Variants in ZNF785 observed in about 807,000 individuals in gnomAD.
ZNF785 encodes the protein zinc finger protein 785.
Under a neutral mutation model 11.3 loss-of-function variants are expected in ZNF785, and 15 were observed. The ratio of observed to expected loss-of-function variants is 1.32; its 90% CI spans 0.89 to 2.04. The LOEUF (loss-of-function observed/expected upper bound fraction) is 2.04, where lower values mean the gene tolerates loss of function less well. ZNF785 is among the 30% of genes most tolerant of loss of function. ZNF785 has a pLI of 0.00. For missense variants in ZNF785, 572 were observed against 560.9 expected (o/e 1.02, Z -0.20); for synonymous variants, 221 against 231.0 (o/e 0.96, Z 0.39).
In ZNF785 at chr16:30,582,484, C is replaced by T; in HGVS notation, c.*76G>A. The T allele has an allele frequency of 6.4e-7, 1 of 1,566,410 alleles. No individual in the cohort carries two copies. The highest frequency in any genetic ancestry group is 8.6e-7 in the Non-Finnish European group (1 of 1,156,740). On this transcript the variant is annotated 3_prime_UTR_variant, in exon 3 of 3. Coordinates refer to ENST00000395216, the MANE Select transcript of ZNF785 (RefSeq NM_152458.7). Reference sequence around the variant, plus strand: ...TTTGTTTTCCTCAAACGCCCACTTCCTTTCCTTATCCCCCAAATACACAAA... The same window carrying T: ...TTTGTTTTCCTCAAACGCCCACTTCTTTTCCTTATCCCCCAAATACACAAA...
In ZNF785 at chr16:30,582,504, CA is replaced by C. The variant is rs751421284; in HGVS notation, c.*55del. The C allele has an allele frequency of 1.9e-6, 3 of 1,596,924 alleles. No homozygotes were observed. The highest frequency in any genetic ancestry group is 4.5e-5 in the East Asian group (2 of 44,688). ...ACTTCCTTTCCTTATCCCCCAAATA[CA>C]CAAACCTTGCCTCTTCCTCTCCAGG... On this transcript the variant is annotated 3_prime_UTR_variant, in exon 3 of 3. Coordinates refer to ENST00000395216, the MANE Select transcript of ZNF785 (RefSeq NM_152458.7).
intron 2 of ZNF785, 195 bp from the exon 3 acceptor site, chr16:30,583,638 A>G: frequency 1.7e-6 from 1 of 600,946 alleles, no homozygotes; most frequent in South Asian, 2.6e-5. Context: ...AGCCTGGAGT[A>G]AAAGCAAATG....
At position 30,583,358 on chromosome 16, in the gene ZNF785, C is replaced by T. The variant is rs2051848371; in HGVS notation, c.420G>A (p.Glu140=). The T allele has an allele frequency of 6.2e-7, 1 of 1,612,728 alleles. No homozygotes were observed. The highest frequency in any genetic ancestry group is 1.7e-5 in the Admixed American group (1 of 59,738). The change falls in exon 3 of 3, where the codon GAG becomes GAA. Residue 140 remains glutamate (E), a synonymous_variant. Transcript: ENST00000395216. ...CTGGGCAGGCGACGCTGGGCCACCA[C>T]TCCTTGACAGCCACTTCATGCGCCA... ...KEVAHEVAVK[E]WWPSVACPEF...
At position 30,585,523 on chromosome 16, in the gene ZNF785, C is replaced by G; in HGVS notation, c.89G>C (p.Ser30Thr). 3 of 1,588,300 alleles carry G rather than the reference C, an allele frequency of 1.9e-6. No homozygotes were observed. The highest frequency in any genetic ancestry group is 1.8e-5 in the Admixed American group (1 of 55,930). Residue 30 changes from serine to threonine, a missense_variant, in exon 1 of 3, where the codon AGC becomes ACC. By Grantham distance (58) the Ser-to-Thr change is moderately conservative. Coordinates refer to ENST00000395216, the MANE Select transcript of ZNF785 (RefSeq NM_152458.7). The surrounding 1 kb of genome is among the most constrained non-coding windows in gnomAD (Gnocchi z 4.0). Reference sequence around the variant, plus strand: ...GAAGTACACGGCCACGTCCGCGAAGCTCACGGCGCCCGGCCTGCTTTCCCT... The same window carrying G: ...GAAGTACACGGCCACGTCCGCGAAGGTCACGGCGCCCGGCCTGCTTTCCCT... ...RTRESRPGAV[S>T]FADVAVYFSP...
downstream of ZNF785, among the ~76,000 whole-genome samples, chr16:30,580,477 C>T (rs1311365251): frequency 6.6e-6 from 1 of 151,958 alleles, no homozygotes; most frequent in East Asian, 1.9e-4. Context: ...GCCTCAGCCT[C>T]CCAAGTAGCT....
chr16:30,585,517 G>T lies in ZNF785; in HGVS notation c.95C>A (p.Ala32Glu). Reference sequence around the variant, plus strand: ...GGGAGAGAAGTACACGGCCACGTCCGCGAAGCTCACGGCGCCCGGCCTGCT... The same window carrying T: ...GGGAGAGAAGTACACGGCCACGTCCTCGAAGCTCACGGCGCCCGGCCTGCT... ...RESRPGAVSF[A>E]DVAVYFSPEE... Residue 32 changes from alanine to glutamate, a missense_variant, in exon 1 of 3, where the codon GCG (alanine) becomes GAG (glutamate). By Grantham distance (107) the Ala-to-Glu change is moderately radical. Coordinates refer to ENST00000395216, the MANE Select transcript of ZNF785 (RefSeq NM_152458.7). This position sits in a 1 kb window ranked among gnomAD's most constrained non-coding sequence, Gnocchi z 4.0. The T allele has an allele frequency of 6.3e-7, 1 of 1,592,180 alleles. No homozygotes were observed.
Position 30,582,962 on chromosome 16 carries a change from G to A in ZNF785, c.816C>T (p.Ala272=), listed in dbSNP as rs2051837591. 6.2e-7 allele frequency: 1 copy of A among 1,614,198 alleles called. No individual in the cohort carries two copies. Among genetic ancestry groups the A allele is most frequent in the Non-Finnish European group, 8.5e-7 (1 of 1,180,028 alleles). The change falls in exon 3 of 3, where the codon GCC becomes GCT. Residue 272 remains alanine, a synonymous_variant. Coordinates refer to ENST00000395216, the MANE Select transcript of ZNF785 (RefSeq NM_152458.7). ...KSRFTYPYLL[A]IHQRKHTGEK... is the part of the protein sequence containing the mutation. ...CGCCCGTGTGCTTGCGCTGGTGGAT[G>A]GCCAGCAGGTAGGGGTAAGTGAAGC...
downstream of ZNF785, among the ~76,000 whole-genome samples, chr16:30,580,345 G>A (rs554956191): frequency 5.1e-4 from 72 of 141,612 alleles, 1 homozygote; most frequent in East Asian, 0.013. Context: ...ACGCCACCAG[G>A]CCTGGCTAAT....
chr16:30,579,556 T>G, downstream of ZNF785: 1 of 284,658 alleles, frequency 3.5e-6, no homozygotes, highest in Non-Finnish European at 7.1e-6. Flanking sequence ...CCTGGCTAAT[T>G]TTTTGGTAGA....
Position 30,585,184 on chromosome 16 carries a change from T to G in ZNF785, c.272A>C (p.Glu91Ala). 6.2e-7 allele frequency: 1 copy of G among 1,614,124 alleles called. No homozygotes were observed. The highest frequency in any genetic ancestry group is 1.1e-5 in the South Asian group (1 of 91,074). The change falls in exon 2 of 3, where the codon GAG becomes GCG. Residue 91 changes from glutamate to alanine, a missense_variant. Coordinates refer to ENST00000395216, the MANE Select transcript of ZNF785 (RefSeq NM_152458.7). The surrounding 1 kb of genome is among the most constrained non-coding windows in gnomAD (Gnocchi z 4.0). ...VEGEVEAWSP[E>A]AQDPDGESSA... The stretch of plus-strand genomic sequence containing the variant: ...GCTCTCACCGTCGGGATCCTGGGCC[T>G]CCGGGCTCCACGCCTCCACTTCTCC...
chr16:30,583,089 C>T lies in ZNF785; in HGVS notation c.689G>A (p.Cys230Tyr), dbSNP rs1406397149. Reference protein sequence around the residue: ...FIHTGEKPYPCPDCGRRFRQR... With the variant: ...FIHTGEKPYPYPDCGRRFRQR... ...GCGGAAGCGGCGCCCGCAGTCGGGG[C>T]AGGGGTAGGGCTTCTCGCCGGTGTG... Residue 230 changes from cysteine (C) to tyrosine (Y), a missense_variant, in exon 3 of 3, where the codon TGC becomes TAC. By Grantham distance (194) the Cys-to-Tyr change is radical (BLOSUM62 -2). Transcript: ENST00000395216. 5.0e-6 allele frequency: 8 copies of T among 1,613,994 alleles called. No individual in the cohort carries two copies. Among genetic ancestry groups the T allele is most frequent in the Non-Finnish European group, 6.8e-6 (8 of 1,180,010 alleles).
chr16:30,581,346 G>C lies in ZNF785; in HGVS notation c.*1214C>G, dbSNP rs745727317. On this transcript the variant is annotated 3_prime_UTR_variant, in exon 3 of 3. Coordinates refer to ENST00000395216, the MANE Select transcript of ZNF785 (RefSeq NM_152458.7). ...GTGGTGGCGGGTGCTTGTAATTCCAGCTACTCGGGAGACTGAAGCAGGAGA... is the reference window on the plus strand; with the variant it reads ...GTGGTGGCGGGTGCTTGTAATTCCACCTACTCGGGAGACTGAAGCAGGAGA... 1 of 151,558 alleles carries C rather than the reference G, an allele frequency of 6.6e-6. No individual in the cohort carries two copies. Among genetic ancestry groups the C allele is most frequent in the Non-Finnish European group, 1.5e-5 (1 of 67,974 alleles). 9.4% of individuals were successfully genotyped at this position (151,558 alleles called of 1,614,324 possible).
Position 30,585,140 on chromosome 16 carries a change from C to G in ZNF785, c.316G>C (p.Gly106Arg). 6.2e-7 allele frequency: 1 copy of G among 1,612,982 alleles called. No homozygotes were observed. Among genetic ancestry groups the G allele is most frequent in the Non-Finnish European group, 8.5e-7 (1 of 1,179,258 alleles). ...DGESSAAFSR[G>R]QGQEAGSRDG... is the part of the protein sequence containing the mutation. ...GAAGTACCTGCTTCCTGTCCTTGGC[C>G]CCTGCTGAAAGCTGCAGAGCTCTCA... Residue 106 changes from glycine to arginine, a missense_variant, in exon 2 of 3, where the codon GGC (glycine) becomes CGC (arginine). Transcript: ENST00000395216. The surrounding 1 kb of genome is among the most constrained non-coding windows in gnomAD (Gnocchi z 4.0).
rs1381371492 is a variant in ZNF785, at chr16:30,581,775, T to G, written c.*785A>C. The G allele has an allele frequency of 6.6e-6, 1 of 152,114 alleles. No individual in the cohort carries two copies. The highest frequency in any genetic ancestry group is 1.5e-5 in the Non-Finnish European group (1 of 68,038). The allele number at this position is 152,114 out of a possible 1,614,324, so 9.4% of individuals were successfully genotyped here. A position where few individuals can be genotyped will look rare whatever the true frequency, so the allele number is the denominator to read the frequency against. ...CTCCAGGTGTCTCCTTGCCAGATGT[T>G]TCACCTGCATTGGTAAAAGGCAGAA... is the stretch of plus-strand genomic sequence containing the variant. On this transcript the variant is annotated 3_prime_UTR_variant, in exon 3 of 3. Transcript: ENST00000395216.
chr16:30,580,051 A>C (rs1459044448), downstream of ZNF785, among the ~76,000 whole-genome samples: 1 of 142,606 alleles, frequency 7.0e-6, no homozygotes, highest in South Asian at 2.2e-4. Context: ...CCATGCCCGG[A>C]TAATTTTTTG....
chr16:30,584,804 T>C (rs568169399), intron 2 of ZNF785, among the ~76,000 whole-genome samples: 1 of 152,346 alleles, frequency 6.6e-6, no homozygotes, highest in African/African-American at 2.4e-5. Context: ...TTCACATCAT[T>C]AATATCCAAG....
chr16:30,580,415 C>T (rs1392607379), downstream of ZNF785, among the ~76,000 whole-genome samples: 9 of 146,722 alleles, frequency 6.1e-5, 1 homozygote, highest in African/African-American at 7.5e-5. Flanking sequence ...AGTGCAGTGG[C>T]GCAGTCTCGG....
At chr16:30,578,831 C>CT (rs34099225), downstream of ZNF785, 110,849 of 144,724 alleles carry the variant, frequency 0.77, 42,609 homozygotes, top group East Asian at 0.88. Flanking sequence ...GCGCCTGGCT[C>CT]TTTTTTTTTT....
Position 30,582,261 on chromosome 16 carries a change from GAGCTAC to G in ZNF785, c.*293_*298del. ...GGAGAGATACAGGCCAAAAAGCAGAGAGCTACAAGGGAGAGAACAATCATGAAGGAA... is the reference window on the plus strand; with the variant it reads ...GGAGAGATACAGGCCAAAAAGCAGAGAAGGGAGAGAACAATCATGAAGGAA... On this transcript the variant is annotated 3_prime_UTR_variant, in exon 3 of 3. Coordinates refer to ENST00000395216, the MANE Select transcript of ZNF785 (RefSeq NM_152458.7). 2.5e-6 allele frequency: 1 copy of G among 407,294 alleles called. No homozygotes were observed. The allele number at this position is 407,294 out of a possible 1,614,324, so 25.2% of individuals were successfully genotyped here. A position where few individuals can be genotyped will look rare whatever the true frequency, so the allele number is the denominator to read the frequency against.
Sources: allele counts gnomAD v4.1 joint callset (sites outside exome capture counted in the v4.1 genomes callset), GRCh38; gene constraint gnomAD v4.1.1; non-coding constraint Gnocchi (gnomAD v3.1); transcripts MANE v1.5; gene names NCBI Gene and HGNC (gene_info 2026-07-23, HGNC 2026-07-21).